Variants in PIP5K1C observed in about 807,000 individuals in gnomAD.
The protein encoded by PIP5K1C is phosphatidylinositol-4-phosphate 5-kinase type 1 gamma.
Under a neutral mutation model 80.1 loss-of-function variants are expected in PIP5K1C, and 45 were observed. That is an observed-to-expected ratio of 0.56 (90% CI 0.44 to 0.72). The LOEUF is 0.72. PIP5K1C is among the 30% of genes least tolerant of loss of function. The pLI is 0.00. For missense variants in PIP5K1C, 753 were observed against 954.6 expected (o/e 0.79, Z 2.78); for synonymous variants, 498 against 420.1 (o/e 1.19, Z -2.27).
chr19:3,688,748 G>A lies in PIP5K1C; in HGVS notation c.94+11549C>T, dbSNP rs2035851202. ...GAGAGCGGAAAGAGAGAGAGAGAGA[G>A]GAGAGTGGGGGGAGAACGAGAGCGA... On this transcript the variant is annotated intron_variant, in intron 1 of 17. Coordinates refer to ENST00000335312, the MANE Select transcript of PIP5K1C (RefSeq NM_012398.3). The surrounding 1 kb of genome is among the most constrained non-coding windows in gnomAD (Gnocchi z 5.3). 6.6e-6 allele frequency among the ~76,000 whole-genome samples: 1 copy of A among 151,998 alleles called. No individual in the cohort carries two copies. Among genetic ancestry groups the A allele is most frequent in the African/African-American group, 2.4e-5 (1 of 41,400 alleles).
chr19:3,656,289 C>T (rs2034629921), intron 6 of PIP5K1C, 116 bp downstream of exon 6: 1 of 1,193,834 alleles, frequency 8.4e-7, no homozygotes, highest in Admixed American at 1.9e-5. Flanking sequence ...CCCAAGATGC[C>T]TCTCACCACG....
intron 1 of PIP5K1C, among the ~76,000 whole-genome samples, chr19:3,669,147 AGGTCTGGCAGCTGGG>A: frequency 1.3e-5 from 2 of 152,248 alleles, no homozygotes; most frequent in Admixed American, 1.3e-4. Context: ...GGGCTGGCTG[AGGTCTGGCAGCTGGG>A]GGTGCTGGGG....
At chr19:3,668,659 C>A (rs1025524004) in intron 1 of PIP5K1C, among the ~76,000 whole-genome samples, 2 of 152,166 alleles carry the variant, frequency 1.3e-5, no homozygotes, top group Non-Finnish European at 2.9e-5. Context: ...CACGTGCTGG[C>A]GTCCACCATG....
At chr19:3,664,729 G>A (rs759096814) in intron 3 of PIP5K1C, 93 bp downstream of exon 3, 31 of 1,073,840 alleles carry the variant, frequency 2.9e-5, no homozygotes, top group African/African-American at 7.7e-5. Context: ...GGTTTGTGTC[G>A]GGGGCGATAG....
intron 1 of PIP5K1C, among the ~76,000 whole-genome samples, chr19:3,677,749 AGGGAG>A (rs2145557131): frequency 9.3e-6 from 1 of 107,824 alleles, no homozygotes; most frequent in African/African-American, 3.6e-5. Context: ...GGTGGGATGG[AGGGAG>A]GGATGGAGGA....
At position 3,644,102 on chromosome 19, in the gene PIP5K1C, T is replaced by A; in HGVS notation, c.1495A>T (p.Thr499Ser). 1 of 1,611,152 alleles carries A rather than the reference T, an allele frequency of 6.2e-7. No homozygotes were observed. Among genetic ancestry groups the A allele is most frequent in the Non-Finnish European group, 8.5e-7 (1 of 1,179,778 alleles). Residue 499 changes from threonine to serine, a missense_variant, in exon 12 of 18, where the codon ACG becomes TCG. This residue lies in a region of PIP5K1C where 315 missense variants were observed against 294.5 expected (regional missense o/e 1.07). Coordinates refer to ENST00000335312, the MANE Select transcript of PIP5K1C (RefSeq NM_012398.3). ...YDLRGARSYP[T>S]LEDEGRPDLL... ...TGCCCCTCACCTTCGTCCTCCAGCG[T>A]GGGGTAGCTGCGGGCCCCCCGCAGG...
intron 2 of PIP5K1C, 96 bp downstream of exon 2, chr19:3,667,226 T>A (rs1157028013): frequency 9.5e-7 from 1 of 1,053,344 alleles, no homozygotes; most frequent in Non-Finnish European, 1.4e-6. Flanking sequence ...CAGAGAGGTG[T>A]AGTGAGCTGC....
chr19:3,670,504 G>C (rs1378913571), intron 1 of PIP5K1C, among the ~76,000 whole-genome samples: 1 of 152,180 alleles, frequency 6.6e-6, no homozygotes, highest in East Asian at 1.9e-4. Context: ...GAGGTCGGTC[G>C]GGAGGGCAGA....
intron 8 of PIP5K1C, among the ~76,000 whole-genome samples, chr19:3,650,472 C>G (rs1461797936): frequency 1.3e-5 from 2 of 152,270 alleles, no homozygotes; most frequent in African/African-American, 4.8e-5. Context: ...CTGGGGACAT[C>G]TGTGGTTGTC....
intron 1 of PIP5K1C, among the ~76,000 whole-genome samples, chr19:3,683,690 G>A (rs1023789954): frequency 3.9e-5 from 6 of 152,186 alleles, no homozygotes; most frequent in African/African-American, 1.2e-4. Flanking sequence ...CGTCACCACA[G>A]CAGGGACGGG....
chr19:3,681,084 C>A (rs550253090), intron 1 of PIP5K1C, among the ~76,000 whole-genome samples: 8 of 152,158 alleles, frequency 5.3e-5, no homozygotes, highest in African/African-American at 1.9e-4. Context: ...GTTCGCCCCC[C>A]GCATCTGCAC....
chr19:3,634,874 G>A (rs1236965809), intron 16 of PIP5K1C, among the ~76,000 whole-genome samples: 2 of 152,284 alleles, frequency 1.3e-5, no homozygotes, highest in African/African-American at 4.8e-5. Context: ...TGCCCTGCGA[G>A]GCCGCATCGC....
intron 1 of PIP5K1C, among the ~76,000 whole-genome samples, chr19:3,699,013 C>T (rs547268176): frequency 4.7e-4 from 71 of 150,682 alleles, no homozygotes; most frequent in African/African-American, 1.7e-3. Flanking sequence ...TATCTGTCCC[C>T]GGTGCTCCCA....
Position 3,688,979 on chromosome 19 carries a change from G to C in PIP5K1C, c.94+11318C>G, listed in dbSNP as rs1340656346. 1.3e-5 allele frequency among the ~76,000 whole-genome samples: 2 copies of C among 152,294 alleles called. No individual in the cohort carries two copies. The highest frequency in any genetic ancestry group is 3.9e-4 in the East Asian group (2 of 5,170). ...GGGGTGGGGGGGGCTTGGCGCACGC[G>C]GCCTATGGTCTGTGAGCTCCCTGTG... On this transcript the variant is annotated intron_variant, in intron 1 of 17. Coordinates refer to ENST00000335312, the MANE Select transcript of PIP5K1C (RefSeq NM_012398.3). This position sits in a 1 kb window ranked among gnomAD's most constrained non-coding sequence, Gnocchi z 5.3.
At position 3,668,247 on chromosome 19, in the gene PIP5K1C, G is replaced by A. The variant is rs1002110370; in HGVS notation, c.95-894C>T. Among the ~76,000 whole-genome samples, 47 of 152,288 alleles carry A rather than the reference G, an allele frequency of 3.1e-4. 1 individual carries two copies. The highest frequency in any genetic ancestry group is 1.1e-3 in the African/African-American group (46 of 41,574). On this transcript the variant is annotated intron_variant, in intron 1 of 17. Transcript: ENST00000335312. The stretch of plus-strand genomic sequence containing the variant: ...CCTAGGACCCAGGACCACATCCCCA[G>A]CCCTGGCTCCCAGCAGCAGGGCCCT...
chr19:3,687,835 G>C (rs2035811475), intron 1 of PIP5K1C, among the ~76,000 whole-genome samples: 1 of 151,898 alleles, frequency 6.6e-6, no homozygotes, highest in African/African-American at 2.4e-5. Flanking sequence ...CCCGCAGCAG[G>C]TGGGCGGGCA....
At chr19:3,639,113 C>T in intron 15 of PIP5K1C, 97 bp from the exon 16 acceptor site, 1 of 1,418,930 alleles carries the variant, frequency 7.0e-7, no homozygotes, top group Non-Finnish European at 9.7e-7. Context: ...TTCATACGGT[C>T]ATCACGGAGA....
intron 1 of PIP5K1C, among the ~76,000 whole-genome samples, chr19:3,697,762 G>A (rs936712539): frequency 2.6e-5 from 4 of 152,160 alleles, no homozygotes; most frequent in African/African-American, 9.7e-5. Context: ...GGACAGCCTG[G>A]GAGAGGCTCA....
Position 3,648,340 on chromosome 19 carries a change from C to A in PIP5K1C, c.1211+285G>T, listed in dbSNP as rs1307890411. Among the ~76,000 whole-genome samples the A allele has an allele frequency of 6.6e-6, 1 of 152,186 alleles. No homozygotes were observed. The highest frequency in any genetic ancestry group is 1.5e-5 in the Non-Finnish European group (1 of 68,022). ...CCCAACTCACTCTAGATTTTCAAGG[C>A]GACCAAACACCTTCCCTTTAGGGCT... On this transcript the variant is annotated intron_variant, in intron 9 of 17. Transcript: ENST00000335312. The surrounding 1 kb of genome is among the most constrained non-coding windows in gnomAD (Gnocchi z 4.3).
Sources: allele counts gnomAD v4.1 joint callset (sites outside exome capture counted in the v4.1 genomes callset), GRCh38; gene constraint gnomAD v4.1.1; regional missense constraint gnomAD v4.1.1; non-coding constraint Gnocchi (gnomAD v3.1); transcripts MANE v1.5; gene names NCBI Gene and HGNC (gene_info 2026-07-23, HGNC 2026-07-21).